The following SUMF1 variants were observed in gnomAD, a reference collection of about 807,000 sequenced individuals.
SUMF1 encodes the protein sulfatase modifying factor 1, also known as formylglycine-generating enzyme.
A neutral mutation model predicts 47.6 loss-of-function variants in SUMF1; 48 were observed. That is an observed-to-expected ratio of 1.01 (90% confidence interval 0.80 to 1.28). The LOEUF (loss-of-function observed/expected upper bound fraction) is 1.28. Ranked by LOEUF, SUMF1 falls within the 50% of genes most tolerant of loss-of-function variation. The pLI, the probability that SUMF1 is intolerant of heterozygous loss-of-function variation, is 0.00. For synonymous variants in SUMF1, 230 were observed against 192.1 expected, an observed-to-expected ratio of 1.20 and a Z score of -1.63; for missense variants, 571 against 485.4, an observed-to-expected ratio of 1.18 and a Z score of -1.66.
chr3:4,274,389 A>G (rs1447515340), intron 8 of SUMF1, among the ~76,000 whole-genome samples: 1 of 152,164 alleles, frequency 6.6e-6, no homozygotes, highest in Non-Finnish European at 1.5e-5. Flanking sequence ...AGCATACTAT[A>G]TTCGGCACTG....
At chr3:4,399,557 T>C (rs1432394791) in intron 7 of SUMF1, among the ~76,000 whole-genome samples, 1 of 152,218 alleles carries the variant, frequency 6.6e-6, no homozygotes, top group Non-Finnish European at 1.5e-5. Context: ...TCTGAAAATA[T>C]TAAGCAGCAA....
intron 8 of SUMF1, among the ~76,000 whole-genome samples, chr3:4,239,465 A>C (rs1016624684): frequency 1.3e-5 from 2 of 152,124 alleles, no homozygotes; most frequent in African/African-American, 4.8e-5. Context: ...AGTGGTTTGC[A>C]GTTCTCCTCG....
intron 8 of SUMF1, among the ~76,000 whole-genome samples, chr3:4,307,244 G>GTCAAACT (rs1184112012): frequency 2.6e-5 from 4 of 152,204 alleles, no homozygotes; most frequent in African/African-American, 7.2e-5. Context: ...ATTCAGAAAA[G>GTCAAACT]TCAAACTTCT....
intron 9 of SUMF1, among the ~76,000 whole-genome samples, chr3:4,060,068 G>A (rs1190739928): frequency 6.6e-6 from 1 of 152,182 alleles, no homozygotes; most frequent in South Asian, 2.1e-4. Context: ...TATTATAAAT[G>A]CAGAAGAAAG....
intron 8 of SUMF1, among the ~76,000 whole-genome samples, chr3:4,322,939 T>C (rs1698867207): frequency 6.6e-6 from 1 of 152,152 alleles, no homozygotes; most frequent in South Asian, 2.1e-4. Context: ...TGCACAAATG[T>C]TCATATAGCA....
chr3:4,037,056 A>G (rs1181192699), intron 9 of SUMF1, among the ~76,000 whole-genome samples: 1 of 152,136 alleles, frequency 6.6e-6, no homozygotes, highest in East Asian at 1.9e-4. Flanking sequence ...CCACAGGAGG[A>G]GAAACAAATA....
chr3:4,257,731 T>C (rs1696987750), intron 8 of SUMF1, among the ~76,000 whole-genome samples: 1 of 151,768 alleles, frequency 6.6e-6, no homozygotes, highest in Non-Finnish European at 1.5e-5. Flanking sequence ...AAGCTACCAA[T>C]GACTTTCTTC....
chr3:4,267,149 G>A (rs1210559105), intron 8 of SUMF1, among the ~76,000 whole-genome samples: 1 of 152,082 alleles, frequency 6.6e-6, no homozygotes, highest in African/African-American at 2.4e-5. Context: ...GAGGATTTCT[G>A]CATCAATGTT....
chr3:4,417,543 T>C (rs542429109), intron 5 of SUMF1, among the ~76,000 whole-genome samples: 44 of 152,326 alleles, frequency 2.9e-4, no homozygotes, highest in South Asian at 1.4e-3. Flanking sequence ...TTTGGACTTA[T>C]ATGGTAGTGT....
intron 8 of SUMF1, chr3:4,316,785 A>G (rs1222456395): frequency 1.5e-5 from 23 of 1,550,706 alleles, no homozygotes; most frequent in Non-Finnish European, 2.0e-5. Flanking sequence ...AAAAAAGGTC[A>G]TGGTCACTAT....
intron 8 of SUMF1, among the ~76,000 whole-genome samples, chr3:4,304,280 T>C (rs186259995): frequency 6.6e-6 from 1 of 152,166 alleles, no homozygotes; most frequent in Non-Finnish European, 1.5e-5. Flanking sequence ...TAGCTGGGAT[T>C]ACAGGCATGG....
intron 8 of SUMF1, among the ~76,000 whole-genome samples, chr3:4,134,846 C>T (rs928765445): frequency 6.6e-6 from 1 of 152,120 alleles, no homozygotes; most frequent in African/African-American, 2.4e-5. Flanking sequence ...ATAAACACCT[C>T]TACACAAATA....
chr3:4,310,172 A>G (rs771201548), intron 8 of SUMF1, among the ~76,000 whole-genome samples: 7 of 152,212 alleles, frequency 4.6e-5, no homozygotes, highest in Non-Finnish European at 7.3e-5. Context: ...TCTGACCAAA[A>G]AGTCATTATG....
intron 8 of SUMF1, among the ~76,000 whole-genome samples, chr3:4,190,690 T>C (rs907564021): frequency 6.6e-6 from 1 of 152,134 alleles, no homozygotes; most frequent in African/African-American, 2.4e-5. Context: ...ACATAGACTA[T>C]CATAGAGGAC....
At chr3:4,167,508 C>T (rs1241431721) in intron 8 of SUMF1, among the ~76,000 whole-genome samples, 1 of 152,148 alleles carries the variant, frequency 6.6e-6, no homozygotes, top group Non-Finnish European at 1.5e-5. Flanking sequence ...ATTTTACAAA[C>T]CTCTCACTCC....
chr3:4,157,709 C>CT (rs965455916), intron 8 of SUMF1, among the ~76,000 whole-genome samples: 1 of 151,308 alleles, frequency 6.6e-6, no homozygotes, highest in Non-Finnish European at 1.5e-5. Context: ...TTATTTATTC[C>CT]TTTTTCCAGC....
intron 8 of SUMF1, among the ~76,000 whole-genome samples, chr3:4,327,184 A>C (rs1698963640): frequency 6.6e-6 from 1 of 152,228 alleles, no homozygotes; most frequent in South Asian, 2.1e-4. Flanking sequence ...AAAAAGTCAT[A>C]GAAACATTAT....
rs137852847 is a variant in SUMF1, at chr3:4,362,223, C to T, written c.1046G>A (p.Arg349Gln). 3 of 1,614,044 alleles carry T rather than the reference C, an allele frequency of 1.9e-6. No individual in the cohort carries two copies. The highest frequency in any genetic ancestry group is 1.7e-5 in the Admixed American group (1 of 60,000). ...AGAGCTATCAGGTGTGTTCTGGCTC[C>T]GAGCAGCACAGCGATACCTGTAACA... The part of the protein sequence containing the change: ...SYCYRYRCAA[R>Q]SQNTPDSSAS... The change falls in exon 9 of 9, where the codon CGG becomes CAG. Residue 349 changes from arginine to glutamine, a missense_variant. Coordinates refer to ENST00000272902, the MANE Select transcript of SUMF1 (RefSeq NM_182760.4).
chr3:4,339,452 C>T (rs1031240018), intron 8 of SUMF1, among the ~76,000 whole-genome samples: 8 of 152,176 alleles, frequency 5.3e-5, no homozygotes, highest in Non-Finnish European at 7.4e-5. Flanking sequence ...GAAATCTCAA[C>T]GAAGACCTCA....
Sources: allele counts gnomAD v4.1 joint callset (sites outside exome capture counted in the v4.1 genomes callset), GRCh38; gene constraint gnomAD v4.1.1; transcripts MANE v1.5; gene names NCBI Gene and HGNC (gene_info 2026-07-23, HGNC 2026-07-21).